HTR7: variants seen among roughly 807,000 people sequenced by gnomAD.
HTR7 encodes 5-hydroxytryptamine receptor 7.
In HTR7, 16 loss-of-function variants were observed where a neutral mutation model predicts 34.0. The observed-to-expected ratio is 0.47, with a 90% CI of 0.32 to 0.71. The LOEUF (loss-of-function observed/expected upper bound fraction) is 0.71. Among genes scored for constraint, HTR7 ranks in the 30% least tolerant of loss-of-function variants. The pLI is 0.04. For synonymous variants in HTR7, 265 were observed against 260.2 expected (o/e 1.02, Z -0.18); for missense variants, 504 against 625.5 (o/e 0.81, Z 2.07).
intron 1 of HTR7, among the ~76,000 whole-genome samples, chr10:90,814,604 G>A (rs1489634996): frequency 6.6e-6 from 1 of 152,148 alleles, no homozygotes; most frequent in Non-Finnish European, 1.5e-5. Context: ...AGAAAACAAT[G>A]ATAGAAAAAC....
chr10:90,749,579 TGTGATCCCAAGGTACCTA>T lies in HTR7; in HGVS notation c.540-3_554del. The T allele has an allele frequency of 6.2e-7, 1 of 1,610,518 alleles. No individual in the cohort carries two copies. Among genetic ancestry groups the T allele is most frequent in the Non-Finnish European group, 8.5e-7 (1 of 1,177,662 alleles). On this transcript the variant is annotated splice_acceptor_variant and splice_polypyrimidine_tract_variant and coding_sequence_variant and intron_variant, in exon 2 of 4. Transcript: ENST00000336152. LOFTEE classifies it high-confidence loss of function. This position sits in a 1 kb window ranked among gnomAD's most constrained non-coding sequence, Gnocchi z 4.2. ...GCCTCACAGGGTATGTGAGGGGCCTTGTGATCCCAAGGTACCTAGTGGAGAGATGGAAAGATAACAGAT... is the reference window on the plus strand; with the variant it reads ...GCCTCACAGGGTATGTGAGGGGCCTTGTGGAGAGATGGAAAGATAACAGAT...
chr10:90,841,227 A>G (rs1014567601), intron 1 of HTR7, among the ~76,000 whole-genome samples: 4 of 152,364 alleles, frequency 2.6e-5, no homozygotes, highest in Middle Eastern at 3.4e-3. Flanking sequence ...CACAGTTAAG[A>G]CTACTTACAG....
At chr10:90,775,305 G>A (rs112084092) in intron 1 of HTR7, among the ~76,000 whole-genome samples, 148 of 152,324 alleles carry the variant, frequency 9.7e-4, no homozygotes, top group African/African-American at 3.3e-3. Flanking sequence ...GGCCGTGCTC[G>A]GTGCTGTGTA....
At chr10:90,763,962 G>C (rs1187142700) in intron 1 of HTR7, among the ~76,000 whole-genome samples, 1 of 152,070 alleles carries the variant, frequency 6.6e-6, no homozygotes, top group Non-Finnish European at 1.5e-5. Flanking sequence ...ATATTCCTTT[G>C]GGTATATACC....
intron 1 of HTR7, among the ~76,000 whole-genome samples, chr10:90,782,098 C>A (rs184418949): frequency 6.3e-4 from 96 of 152,286 alleles, no homozygotes; most frequent in African/African-American, 2.2e-3. Context: ...TGAGAGAGCT[C>A]CACTCCTTGA....
intron 2 of HTR7, among the ~76,000 whole-genome samples, chr10:90,746,944 T>C (rs767213519): frequency 3.3e-5 from 5 of 152,216 alleles, no homozygotes; most frequent in Non-Finnish European, 7.3e-5. Context: ...CTCATTGTCT[T>C]CTTAGAGAGC....
At chr10:90,776,773 G>T (rs1315169801) in intron 1 of HTR7, among the ~76,000 whole-genome samples, 2 of 152,104 alleles carry the variant, frequency 1.3e-5, no homozygotes, top group African/African-American at 4.8e-5. Flanking sequence ...ATATTAGGTA[G>T]ATATCCACTT....
chr10:90,748,637 C>A (rs1844678368), intron 2 of HTR7, among the ~76,000 whole-genome samples: 1 of 152,206 alleles, frequency 6.6e-6, no homozygotes, highest in South Asian at 2.1e-4. Flanking sequence ...GTCTCATCTA[C>A]CAATCCAACT....
At chr10:90,801,616 G>C (rs1845627927) in intron 1 of HTR7, among the ~76,000 whole-genome samples, 1 of 152,124 alleles carries the variant, frequency 6.6e-6, no homozygotes, top group African/African-American at 2.4e-5. Context: ...TAATTTTTCA[G>C]CAAAACTTCA....
At chr10:90,789,069 C>A (rs1480431923) in intron 1 of HTR7, among the ~76,000 whole-genome samples, 1 of 152,176 alleles carries the variant, frequency 6.6e-6, no homozygotes, top group African/African-American at 2.4e-5. Flanking sequence ...TGTCATCGTG[C>A]ACCAACTTAT....
chr10:90,772,028 C>T (rs578215762), intron 1 of HTR7, among the ~76,000 whole-genome samples: 84 of 151,882 alleles, frequency 5.5e-4, no homozygotes, highest in African/African-American at 2.0e-3. Flanking sequence ...AACTATAAGC[C>T]ATTTATGTAT....
chr10:90,789,843 G>A (rs1445691305), intron 1 of HTR7, among the ~76,000 whole-genome samples: 1 of 152,104 alleles, frequency 6.6e-6, no homozygotes, highest in Non-Finnish European at 1.5e-5. Context: ...AACATATTAT[G>A]TAATCTCTTT....
At chr10:90,757,581 C>A (rs775067140) in intron 1 of HTR7, among the ~76,000 whole-genome samples, 1 of 152,064 alleles carries the variant, frequency 6.6e-6, no homozygotes. Flanking sequence ...CACTTCCGGG[C>A]AACTGAAAAG....
At chr10:90,752,897 C>A (rs1249461325) in intron 1 of HTR7, among the ~76,000 whole-genome samples, 1 of 152,064 alleles carries the variant, frequency 6.6e-6, no homozygotes, top group Non-Finnish European at 1.5e-5. Flanking sequence ...AAAATATTGG[C>A]AAGTATTTCC....
chr10:90,814,566 T>C (rs746292989), intron 1 of HTR7, among the ~76,000 whole-genome samples: 2 of 152,152 alleles, frequency 1.3e-5, no homozygotes, highest in Non-Finnish European at 2.9e-5. Flanking sequence ...AATTTTTAAA[T>C]GGTTATTCTA....
chr10:90,826,976 A>T (rs1239279709), intron 1 of HTR7, among the ~76,000 whole-genome samples: 1 of 151,748 alleles, frequency 6.6e-6, no homozygotes, highest in Non-Finnish European at 1.5e-5. Flanking sequence ...TAAATAAATG[A>T]ATAAAATACT....
At chr10:90,789,457 C>T (rs1298858935) in intron 1 of HTR7, among the ~76,000 whole-genome samples, 2 of 152,170 alleles carry the variant, frequency 1.3e-5, no homozygotes, top group African/African-American at 4.8e-5. Context: ...GCCACACACA[C>T]ATCAGTGCAT....
intron 1 of HTR7, among the ~76,000 whole-genome samples, chr10:90,783,365 T>C (rs1166982198): frequency 1.3e-5 from 2 of 152,160 alleles, no homozygotes; most frequent in Non-Finnish European, 2.9e-5. Context: ...GCTTCAGTCT[T>C]ACTCCCCACT....
intron 1 of HTR7, among the ~76,000 whole-genome samples, chr10:90,797,997 C>T (rs1255842037): frequency 6.6e-6 from 1 of 152,088 alleles, no homozygotes; most frequent in Non-Finnish European, 1.5e-5. Context: ...ATCAGGAGGC[C>T]ACTCTTTCTA....
Sources: gnomAD v4.1 joint callset for allele counts (sites outside exome capture counted in the v4.1 genomes callset) on GRCh38, gnomAD v4.1.1 for gene constraint, Gnocchi (gnomAD v3.1) non-coding constraint, MANE v1.5 for transcripts, NCBI Gene and HGNC (gene_info 2026-07-23, HGNC 2026-07-21) for gene names.